The following CDH2 variants were observed in gnomAD, a reference collection of about 807,000 sequenced individuals.
CDH2 encodes the protein cadherin 2, also known as cadherin-2.
Under a neutral mutation model 92.0 loss-of-function variants are expected in CDH2, and 17 were observed. The ratio of observed to expected loss-of-function variants is 0.18; its 90% CI spans 0.13 to 0.28. The LOEUF is 0.28. Among genes scored for constraint, CDH2 ranks in the 10% least tolerant of loss-of-function variants. The probability of loss-of-function intolerance (pLI) is 1.00; values close to 1 mark genes in which losing one functional copy is unlikely to be tolerated. For synonymous variants in CDH2, 419 were observed against 415.9 expected (o/e 1.01, Z -0.09); for missense variants, 862 against 1,133.1 (o/e 0.76, Z 3.44).
At chr18:28,128,634 C>A (rs890899443) in intron 2 of CDH2, among the ~76,000 whole-genome samples, 2 of 151,384 alleles carry the variant, frequency 1.3e-5, no homozygotes, top group African/African-American at 4.9e-5. Context: ...TGCAGACAGC[C>A]GTGATCATGC....
chr18:27,938,001 G>A (rs1374815109), intron 6 of CDH2, among the ~76,000 whole-genome samples: 1 of 152,038 alleles, frequency 6.6e-6, no homozygotes, highest in Non-Finnish European at 1.5e-5. Context: ...CTGGTGGGAG[G>A]TGATTGGATC....
At chr18:28,154,576 G>A (rs1372391188) in intron 1 of CDH2, among the ~76,000 whole-genome samples, 1 of 152,228 alleles carries the variant, frequency 6.6e-6, no homozygotes, top group East Asian at 1.9e-4. Flanking sequence ...TGCACTCGCA[G>A]GGACATTGTT....
At chr18:27,999,492 G>T (rs545685423) in intron 7 of CDH2, among the ~76,000 whole-genome samples, 1 of 152,012 alleles carries the variant, frequency 6.6e-6, no homozygotes, top group African/African-American at 2.4e-5. Context: ...TATTAGGTTT[G>T]GAAAACAGGA....
At chr18:28,093,468 T>C (rs1034957483) in intron 2 of CDH2, among the ~76,000 whole-genome samples, 1 of 152,156 alleles carries the variant, frequency 6.6e-6, no homozygotes, top group Non-Finnish European at 1.5e-5. Flanking sequence ...GGTTTCTTTC[T>C]ACTCTTTACA....
At chr18:28,088,084 T>TA (rs2014968926) in intron 2 of CDH2, among the ~76,000 whole-genome samples, 1 of 152,204 alleles carries the variant, frequency 6.6e-6, no homozygotes, top group Admixed American at 6.5e-5. Context: ...AACCAGACAG[T>TA]AAGTCAGAGA....
intron 6 of CDH2, among the ~76,000 whole-genome samples, chr18:28,005,295 A>C (rs1430651885): frequency 6.6e-6 from 1 of 152,142 alleles, no homozygotes; most frequent in Non-Finnish European, 1.5e-5. Flanking sequence ...GGTTGAAGGG[A>C]TAGAACTGCA....
intron 6 of CDH2, among the ~76,000 whole-genome samples, chr18:27,945,761 G>A (rs1909254519): frequency 6.6e-6 from 1 of 152,058 alleles, no homozygotes; most frequent in African/African-American, 2.4e-5. Context: ...ATTGTTATTG[G>A]CTTAAAAGGA....
At chr18:28,081,431 A>C (rs2014827476) in intron 2 of CDH2, among the ~76,000 whole-genome samples, 1 of 152,208 alleles carries the variant, frequency 6.6e-6, no homozygotes, top group Non-Finnish European at 1.5e-5. Context: ...GCTAGACAGT[A>C]AGAGCAACTT....
intron 14 of CDH2, among the ~76,000 whole-genome samples, chr18:27,970,417 T>C (rs969254675): frequency 1.3e-5 from 2 of 152,170 alleles, no homozygotes; most frequent in Non-Finnish European, 2.9e-5. Context: ...AGAGAAAACA[T>C]AAAAATAGGT....
intron 2 of CDH2, among the ~76,000 whole-genome samples, chr18:28,096,079 T>C (rs1388206162): frequency 1.3e-5 from 2 of 152,292 alleles, no homozygotes; most frequent in East Asian, 3.9e-4. Flanking sequence ...TTAACGTGTC[T>C]GGATCCAAGT....
chr18:28,159,661 T>G (rs1341761338), intron 1 of CDH2, among the ~76,000 whole-genome samples: 1 of 150,866 alleles, frequency 6.6e-6, no homozygotes, highest in Non-Finnish European at 1.5e-5. Flanking sequence ...TTTTTTTGTT[T>G]TTTTTTTTTT....
chr18:28,018,755 T>C (rs962479979), intron 2 of CDH2, among the ~76,000 whole-genome samples: 6 of 151,442 alleles, frequency 4.0e-5, no homozygotes, highest in Non-Finnish European at 7.4e-5. Flanking sequence ...TGAAAAGGAG[T>C]GTGGTAATTC....
chr18:28,124,010 G>A (rs1363020992), intron 2 of CDH2, among the ~76,000 whole-genome samples: 6 of 152,074 alleles, frequency 3.9e-5, no homozygotes, highest in Non-Finnish European at 4.4e-5. Context: ...ACAAGTGAAA[G>A]GTAAAACTAT....
intron 2 of CDH2, among the ~76,000 whole-genome samples, chr18:28,025,694 A>C (rs1478553310): frequency 1.3e-5 from 2 of 151,710 alleles, no homozygotes; most frequent in African/African-American, 4.8e-5. Flanking sequence ...ACAGTGATCA[A>C]ATCAGGGTAA....
At position 28,147,675 on chromosome 18, in the gene CDH2, T is replaced by C. The variant is rs1459488007; in HGVS notation, c.170A>G (p.Asn57Ser). 2.5e-6 allele frequency: 4 copies of C among 1,573,942 alleles called. No homozygotes were observed. The highest frequency in any genetic ancestry group is 1.7e-6 in the Non-Finnish European group (2 of 1,146,452). ...KDVHEGQPLL[N>S]VKFSNCNGKR... The stretch of plus-strand genomic sequence containing the variant: ...AAATATATCTTTTGAGATAGTACCA[T>C]TGAGAAGAGGCTGTCCTTCATGCAC... Residue 57 changes from asparagine to serine, a missense_variant and splice_region_variant, in exon 2 of 16, where the codon AAT (asparagine) becomes AGT (serine). Asn to Ser is a conservative substitution (Grantham distance 46). Transcript: ENST00000269141.
chr18:28,160,430 A>G (rs981993029), intron 1 of CDH2, among the ~76,000 whole-genome samples: 1 of 152,162 alleles, frequency 6.6e-6, no homozygotes, highest in African/African-American at 2.4e-5. Flanking sequence ...CTAGTCAATG[A>G]GCAATGTTTG....
chr18:28,069,943 C>T (rs969869146), intron 2 of CDH2, among the ~76,000 whole-genome samples: 7 of 152,080 alleles, frequency 4.6e-5, no homozygotes, highest in Non-Finnish European at 8.8e-5. Flanking sequence ...ACCAAAATAA[C>T]GTGATAAAGT....
At chr18:27,989,351 G>T (rs2012335857) in intron 10 of CDH2, among the ~76,000 whole-genome samples, 1 of 152,172 alleles carries the variant, frequency 6.6e-6, no homozygotes, top group South Asian at 2.1e-4. Context: ...AAAGGTACAA[G>T]TTGTAGGATT....
chr18:27,935,045 C>T (rs1286187399), intron 6 of CDH2, among the ~76,000 whole-genome samples: 2 of 152,150 alleles, frequency 1.3e-5, no homozygotes, highest in Non-Finnish European at 2.9e-5. Context: ...TGAGATCACA[C>T]CTTGATGTTT....
Sources: allele counts gnomAD v4.1 joint callset (sites outside exome capture counted in the v4.1 genomes callset), GRCh38; gene constraint gnomAD v4.1.1; transcripts MANE v1.5; gene names NCBI Gene and HGNC (gene_info 2026-07-23, HGNC 2026-07-21).